Variants in RALYL observed in about 807,000 individuals in gnomAD.
RALYL encodes RNA-binding Raly-like protein.
RALYL carries 29 observed loss-of-function variants against 35.1 expected under a neutral mutation model. The observed-to-expected ratio is 0.83, with a 90% CI of 0.61 to 1.13. RALYL has a LOEUF of 1.13. Ranked by LOEUF, RALYL falls within the 50% of genes most tolerant of loss-of-function variation. The pLI is 0.00. For synonymous variants in RALYL, 120 were observed against 127.6 expected, an observed-to-expected ratio of 0.94 and a Z score of 0.40; for missense variants, 359 against 360.4, an observed-to-expected ratio of 1.00 and a Z score of 0.03.
intron 2 of RALYL, among the ~76,000 whole-genome samples, chr8:84,567,896 C>T (rs965858994): frequency 2.0e-5 from 3 of 151,568 alleles, no homozygotes; most frequent in Non-Finnish European, 4.4e-5. Flanking sequence ...TAATGGTAGC[C>T]ATTTTGACTG....
In RALYL at chr8:84,384,000, A is replaced by G. The variant is rs73298765; in HGVS notation, c.-23-145299A>G. On this transcript the variant is annotated intron_variant, in intron 1 of 8. Coordinates refer to ENST00000521268, the MANE Select transcript of RALYL (RefSeq NM_173848.7). ...TTATGCAAAATAATTTCCATGTCCC[A>G]CTTACCATATCAAATGCATATACAT... 9.0e-3 allele frequency among the ~76,000 whole-genome samples: 1,362 copies of G among 151,872 alleles called. 31 individuals are homozygous for G. Among genetic ancestry groups the G allele is most frequent in the African/African-American group, 0.031 (1,277 of 41,496 alleles).
At chr8:84,643,277 C>A (rs1295429541) in intron 2 of RALYL, among the ~76,000 whole-genome samples, 1 of 151,742 alleles carries the variant, frequency 6.6e-6, no homozygotes, top group East Asian at 1.9e-4. Context: ...ATAAAACACT[C>A]AAATGGTATC....
intron 1 of RALYL, among the ~76,000 whole-genome samples, chr8:84,329,036 T>A (rs1846342185): frequency 6.6e-6 from 1 of 152,174 alleles, no homozygotes; most frequent in Non-Finnish European, 1.5e-5. Context: ...ATTCCATGCC[T>A]TTGTTACTGG....
At chr8:84,628,971 C>T (rs539164448) in intron 2 of RALYL, among the ~76,000 whole-genome samples, 4 of 151,996 alleles carry the variant, frequency 2.6e-5, no homozygotes, top group African/African-American at 9.6e-5. Flanking sequence ...AAATAACTGC[C>T]ATTATAGACA....
At chr8:84,266,732 G>A (rs962535310) in intron 1 of RALYL, among the ~76,000 whole-genome samples, 3 of 152,016 alleles carry the variant, frequency 2.0e-5, no homozygotes, top group Non-Finnish European at 2.9e-5. Context: ...AGGCCGAGGC[G>A]GGCGGATCAC....
At chr8:84,392,995 G>A (rs1489129825) in intron 1 of RALYL, among the ~76,000 whole-genome samples, 1 of 152,058 alleles carries the variant, frequency 6.6e-6, no homozygotes, top group African/African-American at 2.4e-5. Context: ...GTGAGGTACA[G>A]AAAGCCAAAT....
At chr8:84,523,264 T>C (rs925281175) in intron 1 of RALYL, among the ~76,000 whole-genome samples, 3 of 150,888 alleles carry the variant, frequency 2.0e-5, no homozygotes, top group African/African-American at 7.3e-5. Context: ...AGAGGGCATG[T>C]GCAGCGAAAC....
intron 2 of RALYL, among the ~76,000 whole-genome samples, chr8:84,636,518 A>G (rs191679786): frequency 3.4e-4 from 52 of 151,974 alleles, no homozygotes; most frequent in African/African-American, 1.2e-3. Context: ...TGATACTGTC[A>G]GCTGAGTGAT....
intron 1 of RALYL, among the ~76,000 whole-genome samples, chr8:84,300,733 G>C (rs975624895): frequency 6.6e-6 from 1 of 151,930 alleles, no homozygotes; most frequent in Non-Finnish European, 1.5e-5. Flanking sequence ...TTTGAAATTA[G>C]AATAACAACC....
rs566685155 is a variant in RALYL, at chr8:84,680,311, C to T, written c.257-94268C>T. ...TGTGAATAGTGCCCCAATAAACATA[C>T]GTGTGCATGTGTCTTTATAGCAGCA... On this transcript the variant is annotated intron_variant, in intron 2 of 8. Transcript: ENST00000521268. Among the ~76,000 whole-genome samples the T allele has an allele frequency of 1.4e-4, 21 of 152,232 alleles. 1 individual carries two copies. The highest frequency in any genetic ancestry group is 1.8e-4 in the Non-Finnish European group (12 of 68,024).
At chr8:84,831,728 T>C (rs1830970724) in intron 4 of RALYL, among the ~76,000 whole-genome samples, 1 of 152,136 alleles carries the variant, frequency 6.6e-6, no homozygotes, top group Non-Finnish European at 1.5e-5. Context: ...AGACTATCTC[T>C]TCTACAAATT....
chr8:84,238,023 A>G (rs1826988437), intron 1 of RALYL, among the ~76,000 whole-genome samples: 1 of 151,852 alleles, frequency 6.6e-6, no homozygotes, highest in South Asian at 2.1e-4. Context: ...GAAAAAAAAC[A>G]CTAAAAAATT....
At chr8:84,719,808 T>TC in intron 2 of RALYL, among the ~76,000 whole-genome samples, 1 of 152,230 alleles carries the variant, frequency 6.6e-6, no homozygotes, top group Admixed American at 6.6e-5. Flanking sequence ...CTCTTCCACC[T>TC]ATTTTGAAAT....
At chr8:84,390,954 A>C (rs1220434668) in intron 1 of RALYL, among the ~76,000 whole-genome samples, 1 of 151,988 alleles carries the variant, frequency 6.6e-6, no homozygotes, top group African/African-American at 2.4e-5. Context: ...TCCAAACTTT[A>C]GGGGCCACAT....
intron 2 of RALYL, among the ~76,000 whole-genome samples, chr8:84,613,363 A>G (rs1291895896): frequency 6.6e-6 from 1 of 151,598 alleles, no homozygotes; most frequent in African/African-American, 2.4e-5. Flanking sequence ...GCTAAACATA[A>G]TCACAAAATT....
intron 8 of RALYL, among the ~76,000 whole-genome samples, chr8:84,900,924 T>G (rs769088409): frequency 6.6e-6 from 1 of 152,048 alleles, no homozygotes; most frequent in Non-Finnish European, 1.5e-5. Flanking sequence ...CAGGAGAGAT[T>G]TTAAGCACTG....
rs184599248 is a variant in RALYL at position 84,450,803 on chromosome 8, G to C, written c.-23-78496G>C. On this transcript the variant is annotated intron_variant, in intron 1 of 8. Transcript: ENST00000521268. Reference sequence around the variant, plus strand: ...AATTTTGCCAATTTTGTGGGCAAAGGGGTGAAATTTTCAAAAAGATTCCAT... The same window carrying C: ...AATTTTGCCAATTTTGTGGGCAAAGCGGTGAAATTTTCAAAAAGATTCCAT... Among the ~76,000 whole-genome samples the C allele has an allele frequency of 2.1e-3, 321 of 151,970 alleles. 1 individual carries two copies. Among genetic ancestry groups the C allele is most frequent in the Middle Eastern group, 0.014 (4 of 294 alleles).
intron 2 of RALYL, among the ~76,000 whole-genome samples, chr8:84,644,563 T>C (rs908619039): frequency 6.6e-6 from 1 of 151,896 alleles, no homozygotes; most frequent in Non-Finnish European, 1.5e-5. Flanking sequence ...ACTGCTGGAG[T>C]GACAGCAGGG....
chr8:84,372,058 G>A (rs1016524723), intron 1 of RALYL, among the ~76,000 whole-genome samples: 1 of 152,042 alleles, frequency 6.6e-6, no homozygotes, highest in Non-Finnish European at 1.5e-5. Context: ...ATGCTTTAGA[G>A]TGCTTGGCAA....
Sources: allele counts gnomAD v4.1 joint callset (sites outside exome capture counted in the v4.1 genomes callset), GRCh38; gene constraint gnomAD v4.1.1; transcripts MANE v1.5; gene names NCBI Gene and HGNC (gene_info 2026-07-23, HGNC 2026-07-21).